ITGB4: variants seen among roughly 807,000 people sequenced by gnomAD.
ITGB4 encodes the protein integrin beta-4.
Under a neutral mutation model 207.6 loss-of-function variants are expected in ITGB4, and 159 were observed. The observed-to-expected ratio is 0.77, with a 90% CI of 0.67 to 0.87. The LOEUF is 0.87. ITGB4 is among the 40% of genes least tolerant of loss of function. ITGB4 has a pLI of 0.00. For synonymous variants in ITGB4, 1,020 were observed against 1,062.7 expected (o/e 0.96, Z 0.78); for missense variants, 2,278 against 2,546.8 (o/e 0.89, Z 2.27).
Position 75,740,942 on chromosome 17 carries a change from C to T in ITGB4, c.2610-40C>T, listed in dbSNP as rs556022293. ...CCCCAGGCCGATCAGGCCTCCACTT[C>T]AGGGCTATCTAGCTCACAGCGCCCT... On this transcript the variant is annotated intron_variant, in intron 22 of 39. Transcript: ENST00000200181. This position sits in a 1 kb window ranked among gnomAD's most constrained non-coding sequence, Gnocchi z 5.9. The T allele has an allele frequency of 1.2e-6, 2 of 1,614,014 alleles. No homozygotes were observed. The highest frequency in any genetic ancestry group is 1.1e-5 in the South Asian group (1 of 91,088).
chr17:75,724,667 C>A, intron 1 of ITGB4, 27 bp from the exon 2 acceptor site: 1 of 1,542,494 alleles, frequency 6.5e-7, no homozygotes, highest in African/African-American at 1.4e-5. Flanking sequence ...GTGGAGGCCT[C>A]ATGTGTCAAT....
At chr17:75,735,431 T>G (rs1599246392) in intron 13 of ITGB4, among the ~76,000 whole-genome samples, 1 of 129,796 alleles carries the variant, frequency 7.7e-6, no homozygotes, top group Non-Finnish European at 1.6e-5. Context: ...TTTTTTTTTT[T>G]GAGACGGAGT....
chr17:75,754,143 G>A lies in ITGB4; in HGVS notation c.4318+169G>A, dbSNP rs2061432625. Among the ~76,000 whole-genome samples, 3 of 152,236 alleles carry A rather than the reference G, an allele frequency of 2.0e-5. No homozygotes were observed. In the South Asian group the frequency reaches 6.2e-4, roughly 31 times the overall value. ...GAGGCAGGGCCCAGTGCCAGGGGAC[G>A]CGTGAGGCAGGCGCTTGGGCCCTTA... On this transcript the variant is annotated intron_variant, in intron 33 of 39. Coordinates refer to ENST00000200181, the MANE Select transcript of ITGB4 (RefSeq NM_000213.5).
intron 1 of ITGB4, 105 bp from the exon 2 acceptor site, chr17:75,724,588 TG>T (rs1349391290): frequency 5.5e-6 from 5 of 914,536 alleles, no homozygotes; most frequent in Non-Finnish European, 9.1e-6. Context: ...TTGGTCACAT[TG>T]TTGGTGCTCA....
rs2061459515 is a variant in ITGB4, at chr17:75,754,976, A to G, written c.4558+161A>G. The G allele has an allele frequency of 2.0e-6, 3 of 1,530,432 alleles. No individual in the cohort carries two copies. The African/African-American group carries it at 4.1e-5, about 21-fold the overall frequency. 94.8% of individuals were successfully genotyped at this position (1,530,432 alleles called of 1,614,324 possible). On this transcript the variant is annotated intron_variant, in intron 34 of 39. Coordinates refer to ENST00000200181, the MANE Select transcript of ITGB4 (RefSeq NM_000213.5). ...CACGTGCACACGCATGCACACATGT[A>G]CACAGACATGCATGCGCACACGTAC...
Position 75,729,573 on chromosome 17 carries a change from A to C in ITGB4, c.738+137A>C. On this transcript the variant is annotated intron_variant, in intron 7 of 39. Transcript: ENST00000200181. This position sits in a 1 kb window ranked among gnomAD's most constrained non-coding sequence, Gnocchi z 4.4. ...AAGCCTGGGAGCCTGCAACCCCTTC[A>C]CCCTGAGACAAGCTCAGACTCTGTG... is the stretch of plus-strand genomic sequence containing the variant. 1.2e-6 allele frequency: 1 copy of C among 858,954 alleles called. No individual in the cohort carries two copies. The highest frequency in any genetic ancestry group is 3.6e-4 in the Middle Eastern group (1 of 2,744). The allele number at this position is 858,954 out of a possible 1,614,324, so 53.2% of individuals were successfully genotyped here.
rs971535413 is a variant in ITGB4, at chr17:75,749,714, T to C, written c.3317-397T>C. 5.3e-5 allele frequency among the ~76,000 whole-genome samples: 8 copies of C among 152,042 alleles called. No homozygotes were observed. The South Asian group carries it at 1.0e-3, about 20-fold the overall frequency. ...TGCAGATGCTTGTGGAAGGAAGGAG[T>C]GGGCCAGTTAGTTCCTATCAGCCCT... On this transcript the variant is annotated intron_variant, in intron 27 of 39. Transcript: ENST00000200181.
rs886053408 is a variant in ITGB4 at position 75,731,246 on chromosome 17, C to T, written c.1093C>T (p.Arg365Trp). The T allele has an allele frequency of 6.8e-6, 11 of 1,613,248 alleles. No homozygotes were observed. The highest frequency in any genetic ancestry group is 3.3e-5 in the South Asian group (3 of 91,080). Residue 365 changes from arginine (R) to tryptophan (W), a missense_variant and splice_region_variant, in exon 10 of 40, where the codon CGG (arginine) becomes TGG (tryptophan). Physicochemically the swap from Arg to Trp is moderately radical, Grantham distance 101. Coordinates refer to ENST00000200181, the MANE Select transcript of ITGB4 (RefSeq NM_000213.5). This position sits in a 1 kb window ranked among gnomAD's most constrained non-coding sequence, Gnocchi z 6.8. ...IVELLEEAFN[R>W]IRSNLDIRAL... ...CTGATCAACCTCCTTCCTCCTTTAG[C>T]GGATCCGCTCCAACCTGGACATCCG...
chr17:75,748,910 C>T lies in ITGB4; in HGVS notation c.3181C>T (p.Leu1061Phe), dbSNP rs774997953. The change falls in exon 27 of 40, where the codon CTC (leucine) becomes TTC (phenylalanine). Residue 1061 changes from leucine (L) to phenylalanine (F), a missense_variant. Coordinates refer to ENST00000200181, the MANE Select transcript of ITGB4 (RefSeq NM_000213.5). ...GEAWKELQVK[L>F]LELQEVDSLL... is the part of the protein sequence containing the mutation. ...GGCCTGGAAAGAGCTGCAGGTGAAG[C>T]TCCTGGAGCTGCAAGAAGTTGACTC... 9 of 1,613,272 alleles carry T rather than the reference C, an allele frequency of 5.6e-6. No individual in the cohort carries two copies. The highest frequency in any genetic ancestry group is 2.2e-5 in the South Asian group (2 of 91,026).
At position 75,722,538 on chromosome 17, in the gene ITGB4, C is replaced by T. The variant is rs932760287; in HGVS notation, c.-11+926C>T. ...AGGAGGGGAGGTATGTCTGTCTACT[C>T]GACCCTGATTTCTCAGGGAGACAGA... On this transcript the variant is annotated intron_variant, in intron 1 of 39. Coordinates refer to ENST00000200181, the MANE Select transcript of ITGB4 (RefSeq NM_000213.5). The surrounding 1 kb of genome is among the most constrained non-coding windows in gnomAD (Gnocchi z 6.2). Among the ~76,000 whole-genome samples the T allele has an allele frequency of 1.3e-5, 2 of 152,188 alleles. No homozygotes were observed. Among genetic ancestry groups the T allele is most frequent in the South Asian group, 2.1e-4 (1 of 4,830 alleles).
At position 75,731,944 on chromosome 17, in the gene ITGB4, A is replaced by G. The variant is rs140155423; in HGVS notation, c.1348A>G (p.Ile450Val). 1.9e-6 allele frequency: 3 copies of G among 1,614,068 alleles called. No individual in the cohort carries two copies. The African/African-American group carries it at 4.0e-5, about 22-fold the overall frequency. ...CGACGGCCTCAAGATGGACGCGGGC[A>G]TCATCTGTGATGTGTGCACCTGCGA... The part of the protein sequence containing the change: ...FSDGLKMDAG[I>V]ICDVCTCELQ... The change falls in exon 11 of 40, where the codon ATC becomes GTC. Residue 450 changes from isoleucine (I) to valine (V), a missense_variant. Physicochemically the swap from Ile to Val is conservative, Grantham distance 29. Coordinates refer to ENST00000200181, the MANE Select transcript of ITGB4 (RefSeq NM_000213.5). The surrounding 1 kb of genome is among the most constrained non-coding windows in gnomAD (Gnocchi z 6.8).
rs2148502988 is a variant in ITGB4 at position 75,737,359 on chromosome 17, G to C, written c.2028G>C (p.Glu676Asp). The C allele has an allele frequency of 6.3e-7, 1 of 1,589,832 alleles. No individual in the cohort carries two copies. The highest frequency in any genetic ancestry group is 1.1e-5 in the South Asian group (1 of 87,234). ...EVVVRCSFRD[E>D]DDDCTYSYTM... ...TGGTGCGCTGCTCCTTCCGGGACGA[G>C]GATGACGACTGCACCTACAGCTACA... The change falls in exon 17 of 40, where the codon GAG (glutamate) becomes GAC (aspartate). Residue 676 changes from glutamate to aspartate, a missense_variant. Coordinates refer to ENST00000200181, the MANE Select transcript of ITGB4 (RefSeq NM_000213.5).
In ITGB4 at chr17:75,727,287, T is replaced by A; in HGVS notation, c.162+10T>A. 1 of 1,613,788 alleles carries A rather than the reference T, an allele frequency of 6.2e-7. No individual in the cohort carries two copies. The highest frequency in any genetic ancestry group is 8.5e-7 in the Non-Finnish European group (1 of 1,179,834). On this transcript the variant is annotated intron_variant, in intron 3 of 39. Transcript: ENST00000200181. This position sits in a 1 kb window ranked among gnomAD's most constrained non-coding sequence, Gnocchi z 6.0. Reference sequence around the variant, plus strand: ...CTACTGCACAGACGAGGTGAGGACCTGGCCCGGGTTGGTGTGGAACAGGCA... The same window carrying A: ...CTACTGCACAGACGAGGTGAGGACCAGGCCCGGGTTGGTGTGGAACAGGCA...
At chr17:75,749,466 C>T (rs897715066) in intron 27 of ITGB4, among the ~76,000 whole-genome samples, 13 of 152,088 alleles carry the variant, frequency 8.5e-5, no homozygotes, top group Non-Finnish European at 1.6e-4. Context: ...GGGTCTGGGC[C>T]GCAGCAAGCT....
Position 75,736,624 on chromosome 17 carries a change from C to T in ITGB4, c.1920C>T (p.Thr640=), listed in dbSNP as rs8064968. The T allele has an allele frequency of 1.0e-4, 167 of 1,602,346 alleles. No homozygotes were observed. The highest frequency in any genetic ancestry group is 1.6e-4 in the Middle Eastern group (1 of 6,072). Reference sequence around the variant, plus strand: ...GCGTGCAGTGCCAGGCGTGGGGCACCGGCGAGAAGAAGGGGCGCACGTGTG... The same window carrying T: ...GCGTGCAGTGCCAGGCGTGGGGCACTGGCGAGAAGAAGGGGCGCACGTGTG... The part of the protein sequence containing the change: ...RSCVQCQAWG[T]GEKKGRTCEE... Residue 640 remains threonine (T), a synonymous_variant, in exon 16 of 40, where the codon ACC becomes ACT. Transcript: ENST00000200181.
chr17:75,753,229 C>T (rs1381496088), intron 32 of ITGB4, among the ~76,000 whole-genome samples: 1 of 152,256 alleles, frequency 6.6e-6, no homozygotes, highest in Admixed American at 6.5e-5. Flanking sequence ...CCCCGGTGAA[C>T]ACATACTGGC....
Position 75,751,078 on chromosome 17 carries a change from G to C in ITGB4, c.3760G>C (p.Glu1254Gln). 1 of 1,613,876 alleles carries C rather than the reference G, an allele frequency of 6.2e-7. No homozygotes were observed. Among genetic ancestry groups the C allele is most frequent in the Non-Finnish European group, 8.5e-7 (1 of 1,180,036 alleles). ...AETNGEITAY[E>Q]VCYGLVNDDN... ...GACCAACGGTGAGATCACAGCCTAC[G>C]AGGTCTGCTATGGCCTGGTCAACGA... Residue 1254 changes from glutamate (E) to glutamine (Q), a missense_variant, in exon 30 of 40, where the codon GAG becomes CAG. Transcript: ENST00000200181.
At chr17:75,748,397 T>C (rs1369771795) in intron 26 of ITGB4, among the ~76,000 whole-genome samples, 1 of 130,202 alleles carries the variant, frequency 7.7e-6, no homozygotes, top group Non-Finnish European at 1.6e-5. Context: ...TGGCTGGGCA[T>C]GGTGGCTCAT....
In ITGB4 at chr17:75,730,327, C is replaced by T. The variant is rs754006669; in HGVS notation, c.825C>T (p.Asn275=). 39 of 1,613,690 alleles carry T rather than the reference C, an allele frequency of 2.4e-5. No homozygotes were observed. Among genetic ancestry groups the T allele is most frequent in the East Asian group, 4.5e-5 (2 of 44,890 alleles). ...TCCACTATGAGGCTGATGGCGCCAA[C>T]GTGCTGGCTGGCATCATGAGCCGCA... ...SAFHYEADGA[N]VLAGIMSRND... Residue 275 remains asparagine (N), a synonymous_variant, in exon 8 of 40, where the codon AAC becomes AAT. Coordinates refer to ENST00000200181, the MANE Select transcript of ITGB4 (RefSeq NM_000213.5).
Sources: allele counts gnomAD v4.1 joint callset (sites outside exome capture counted in the v4.1 genomes callset), GRCh38; gene constraint gnomAD v4.1.1; non-coding constraint Gnocchi (gnomAD v3.1); transcripts MANE v1.5; gene names NCBI Gene and HGNC (gene_info 2026-07-23, HGNC 2026-07-21).